Variants in GRB10 observed in about 807,000 individuals in gnomAD.
The protein encoded by GRB10 is growth factor receptor bound protein 10.
GRB10 carries 20 observed loss-of-function variants against 80.9 expected under a neutral mutation model. The observed-to-expected ratio is 0.25, with a 90% CI of 0.17 to 0.36. The LOEUF is 0.36. Among genes scored for constraint, GRB10 ranks in the 10% least tolerant of loss-of-function variants. The probability of loss-of-function intolerance (pLI) is 1.00; values close to 1 mark genes in which losing one functional copy is unlikely to be tolerated. For synonymous variants in GRB10, 291 were observed against 291.5 expected (o/e 1.00, Z 0.02); for missense variants, 548 against 747.7 (o/e 0.73, Z 3.12).
chr7:50,671,974 C>A (rs2060402031), intron 6 of GRB10, among the ~76,000 whole-genome samples: 1 of 152,196 alleles, frequency 6.6e-6, no homozygotes, highest in Non-Finnish European at 1.5e-5. Context: ...GCAGGAACTG[C>A]AGAGCTGAGG....
At chr7:50,643,568 G>A (rs1415988662) in intron 7 of GRB10, among the ~76,000 whole-genome samples, 1 of 152,188 alleles carries the variant, frequency 6.6e-6, no homozygotes, top group East Asian at 1.9e-4. Flanking sequence ...GAACAATCGG[G>A]GAAACCTGAA....
At chr7:50,744,173 A>T (rs2072418755) in intron 3 of GRB10, among the ~76,000 whole-genome samples, 1 of 152,130 alleles carries the variant, frequency 6.6e-6, no homozygotes, top group Non-Finnish European at 1.5e-5. Flanking sequence ...TCAATCGTAG[A>T]GATTAGGACG....
At chr7:50,668,115 T>C (rs1427411268) in intron 7 of GRB10, among the ~76,000 whole-genome samples, 1 of 152,134 alleles carries the variant, frequency 6.6e-6, no homozygotes, top group East Asian at 1.9e-4. Context: ...TGAGGGACAC[T>C]TACCTCACCT....
chr7:50,741,903 A>G (rs2071828846), intron 3 of GRB10, among the ~76,000 whole-genome samples: 1 of 152,178 alleles, frequency 6.6e-6, no homozygotes, highest in South Asian at 2.1e-4. Context: ...TCAAAAAAAC[A>G]TACAAAATTT....
intron 17 of GRB10, among the ~76,000 whole-genome samples, chr7:50,599,670 T>G (rs995589208): frequency 1.3e-5 from 2 of 152,140 alleles, no homozygotes; most frequent in Admixed American, 6.5e-5. Flanking sequence ...CCGGGCTGAT[T>G]TGGGGAACGG....
intron 14 of GRB10, 91 bp from the exon 15 acceptor site, chr7:50,605,497 G>C: frequency 9.3e-7 from 1 of 1,070,154 alleles, no homozygotes; most frequent in Non-Finnish European, 1.5e-6. Flanking sequence ...GGTCAGGAAA[G>C]GGGAGCAGGG....
chr7:50,686,110 C>T (rs2062075591), intron 5 of GRB10, among the ~76,000 whole-genome samples: 1 of 152,132 alleles, frequency 6.6e-6, no homozygotes, highest in Non-Finnish European at 1.5e-5. Context: ...TGTGTTCTCC[C>T]AAAATTCATG....
chr7:50,765,784 G>A (rs994525418), intron 2 of GRB10, among the ~76,000 whole-genome samples: 17 of 152,170 alleles, frequency 1.1e-4, no homozygotes, highest in African/African-American at 2.9e-4. Context: ...GGTGACTACC[G>A]TCTACAATAA....
intron 4 of GRB10, among the ~76,000 whole-genome samples, chr7:50,707,873 G>T (rs1363181322): frequency 6.6e-6 from 1 of 152,140 alleles, no homozygotes; most frequent in African/African-American, 2.4e-5. Context: ...TCCTCTGTCA[G>T]ATGACTGCTT....
At chr7:50,767,277 G>T (rs1188037078) in intron 2 of GRB10, among the ~76,000 whole-genome samples, 1 of 152,122 alleles carries the variant, frequency 6.6e-6, no homozygotes, top group Non-Finnish European at 1.5e-5. Context: ...GGCCCCTCTG[G>T]CTCCTGATCC....
At chr7:50,679,632 C>G (rs2061340368) in intron 5 of GRB10, among the ~76,000 whole-genome samples, 1 of 152,214 alleles carries the variant, frequency 6.6e-6, no homozygotes, top group African/African-American at 2.4e-5. Flanking sequence ...GCTTTCTCCA[C>G]TACCCCCTTC....
chr7:50,612,316 C>T (rs1177322683), intron 13 of GRB10, among the ~76,000 whole-genome samples: 1 of 152,150 alleles, frequency 6.6e-6, no homozygotes, highest in African/African-American at 2.4e-5. Flanking sequence ...TGGTCTCAAC[C>T]AGGGGCAATT....
chr7:50,752,861 C>CA (rs1341889289), intron 3 of GRB10, among the ~76,000 whole-genome samples: 3 of 152,136 alleles, frequency 2.0e-5, no homozygotes, highest in Non-Finnish European at 4.4e-5. Context: ...GACAAGTAAC[C>CA]AAAAATGGGG....
At chr7:50,725,360 C>A (rs1387868536) in intron 4 of GRB10, among the ~76,000 whole-genome samples, 4 of 152,206 alleles carry the variant, frequency 2.6e-5, no homozygotes, top group African/African-American at 9.7e-5. Flanking sequence ...GCCTTCCAGC[C>A]ATGCTTCCTG....
At chr7:50,609,232 T>G (rs189906232) in intron 13 of GRB10, among the ~76,000 whole-genome samples, 2 of 152,114 alleles carry the variant, frequency 1.3e-5, no homozygotes, top group East Asian at 3.9e-4. Context: ...CAAAGTAAAA[T>G]AGTTACATTG....
chr7:50,678,360 C>T (rs536139607), intron 5 of GRB10, among the ~76,000 whole-genome samples: 10 of 152,330 alleles, frequency 6.6e-5, no homozygotes, highest in African/African-American at 2.4e-4. Context: ...AATCTGGTAA[C>T]TCAATAGGTT....
chr7:50,606,584 A>G (rs1299334160), intron 13 of GRB10, 170 bp from the exon 14 acceptor site: 3 of 652,642 alleles, frequency 4.6e-6, no homozygotes, highest in African/African-American at 1.8e-5. Flanking sequence ...AGGGATTAGG[A>G]GCAATGACGC....
intron 2 of GRB10, among the ~76,000 whole-genome samples, chr7:50,769,200 C>T (rs1332859518): frequency 6.6e-6 from 1 of 152,180 alleles, no homozygotes; most frequent in East Asian, 1.9e-4. Context: ...CTCCTCTCCG[C>T]AATTTGAGCC....
intron 2 of GRB10, among the ~76,000 whole-genome samples, chr7:50,777,934 G>C (rs1039188795): frequency 1.3e-5 from 2 of 152,186 alleles, no homozygotes; most frequent in Non-Finnish European, 2.9e-5. Context: ...GAGGGACTGA[G>C]GGGAGGGAAA....
Sources: gnomAD v4.1 joint callset for allele counts (sites outside exome capture counted in the v4.1 genomes callset) on GRCh38, gnomAD v4.1.1 for gene constraint, MANE v1.5 for transcripts, NCBI Gene and HGNC (gene_info 2026-07-23, HGNC 2026-07-21) for gene names.